The following TULP4 variants were observed in gnomAD, a reference collection of about 807,000 sequenced individuals.
The protein encoded by TULP4 is TUB like protein 4, also known as tubby-related protein 4.
In TULP4, 16 loss-of-function variants were observed where a neutral mutation model predicts 129.0. That is an observed-to-expected ratio of 0.12 (90% confidence interval 0.08 to 0.19). The LOEUF is 0.19. Ranked by LOEUF, TULP4 falls within the 10% of genes least tolerant of loss-of-function variation. The pLI, the probability that TULP4 is intolerant of heterozygous loss-of-function variation, is 1.00. For missense variants in TULP4, 1,842 were observed against 2,059.1 expected (o/e 0.89, Z 2.04); for synonymous variants, 998 against 854.0 (o/e 1.17, Z -2.94).
intron 1 of TULP4, among the ~76,000 whole-genome samples, chr6:158,380,659 T>A (rs557134577): frequency 6.6e-5 from 10 of 151,858 alleles, no homozygotes; most frequent in African/African-American, 2.4e-4. Flanking sequence ...TTTGGGAGGT[T>A]GAGGCGGGTG....
Position 158,462,531 on chromosome 6 carries a change from G to A in TULP4, c.1026+802G>A, listed in dbSNP as rs190513763. Among the ~76,000 whole-genome samples the A allele has an allele frequency of 8.8e-4, 133 of 150,936 alleles. 1 individual carries two copies. The highest frequency in any genetic ancestry group is 3.0e-3 in the African/African-American group (122 of 41,126). ...TGGGACTACAGGTGTCTGCCACCAC[G>A]CCCAGCTAATTTTTTGTATTTTTAC... On this transcript the variant is annotated intron_variant, in intron 6 of 13. Transcript: ENST00000367097.
rs781328845 is a variant in TULP4 at position 158,455,055 on chromosome 6, A to ATTTTTTT, written c.859+2811_859+2817dup. Among the ~76,000 whole-genome samples, 26 of 33,196 alleles carry ATTTTTTT rather than the reference A, an allele frequency of 7.8e-4. 6 individuals are homozygous for ATTTTTTT. The highest frequency in any genetic ancestry group is 5.9e-3 in the African/African-American group (26 of 4,418). The allele number at this position is 33,196 out of a possible 152,430, so 21.8% of individuals were successfully genotyped here. A position where few individuals can be genotyped will look rare whatever the true frequency, so the allele number is the denominator to read the frequency against. ...TTCTAAAAATACAGGCAAATTTAAC[A>ATTTTTTT]TTTTTTTTTTTTTTTTTTTTTTTTT... On this transcript the variant is annotated intron_variant, in intron 5 of 13. Transcript: ENST00000367097.
intron 8 of TULP4, among the ~76,000 whole-genome samples, chr6:158,483,868 T>C (rs1214628711): frequency 2.6e-5 from 4 of 152,076 alleles, no homozygotes; most frequent in Admixed American, 6.5e-5. Context: ...TTGGCAGATA[T>C]GTTCCTCAAA....
chr6:158,243,872 G>GTGTGTGTGTGTGTA (rs1777974646), intron 1 of TULP4, among the ~76,000 whole-genome samples: 1 of 151,710 alleles, frequency 6.6e-6, no homozygotes, highest in African/African-American at 2.4e-5. Flanking sequence ...GTGTGTGTGT[G>GTGTGTGTGTGTGTA]TGTGTGTGTG....
At chr6:158,498,586 G>A (rs1780379965) in intron 11 of TULP4, 83 bp from the exon 12 acceptor site, 14 of 1,552,396 alleles carry the variant, frequency 9.0e-6, no homozygotes, top group South Asian at 6.9e-5. Context: ...ACTGCAGTGC[G>A]CTCTTCTTCC....
chr6:158,429,390 C>T (rs955238897), intron 2 of TULP4, among the ~76,000 whole-genome samples: 5 of 152,224 alleles, frequency 3.3e-5, no homozygotes, highest in Admixed American at 6.5e-5. Context: ...CTGCCTGCCT[C>T]GGCCTCCCGA....
chr6:158,308,642 A>C (rs1779264475), upstream of TULP4, among the ~76,000 whole-genome samples: 1 of 135,424 alleles, frequency 7.4e-6, no homozygotes, highest in Non-Finnish European at 1.6e-5. Flanking sequence ...TGACCCCCCC[A>C]CCTCCCTCTC....
chr6:158,504,809 A>C (rs543146600), intron 13 of TULP4, among the ~76,000 whole-genome samples: 12 of 152,136 alleles, frequency 7.9e-5, no homozygotes, highest in Non-Finnish European at 1.8e-4. Context: ...ATATTTGTAA[A>C]GAATACGTTT....
chr6:158,350,089 C>T (rs1279447817), intron 1 of TULP4, among the ~76,000 whole-genome samples: 6 of 139,042 alleles, frequency 4.3e-5, no homozygotes, highest in East Asian at 2.2e-4. Flanking sequence ...ACTTCCCAGA[C>T]GGGGCAGCCG....
intron 1 of TULP4, among the ~76,000 whole-genome samples, chr6:158,240,856 A>C (rs1214638561): frequency 2.1e-5 from 3 of 145,412 alleles, no homozygotes; most frequent in Non-Finnish European, 4.5e-5. Context: ...CTGACCCCCC[A>C]CCTCCCTCCC....
At position 158,510,893 on chromosome 6, in the gene TULP4, GAGA is replaced by G. The variant is rs1780725173; in HGVS notation, c.*4202_*4204del. On this transcript the variant is annotated 3_prime_UTR_variant, in exon 14 of 14. Transcript: ENST00000367097. ...AAAGGAAAGTTTGGCCCAGCAACTG[GAGA>G]AGGAGTCCATGGTGTCGCTGTGTGC... 6.6e-6 allele frequency: 1 copy of G among 152,234 alleles called. No individual in the cohort carries two copies. Among genetic ancestry groups the G allele is most frequent in the African/African-American group, 2.4e-5 (1 of 41,456 alleles). 9.4% of individuals were successfully genotyped at this position (152,234 alleles called of 1,614,324 possible).
intron 1 of TULP4, among the ~76,000 whole-genome samples, chr6:158,267,237 A>C (rs1209092730): frequency 6.6e-6 from 1 of 152,174 alleles, no homozygotes; most frequent in Admixed American, 6.5e-5. Flanking sequence ...AATCCAGGAC[A>C]GTGCTGAAAC....
chr6:158,499,432 A>C (rs1451028966), intron 12 of TULP4, among the ~76,000 whole-genome samples: 1 of 152,250 alleles, frequency 6.6e-6, no homozygotes, highest in African/African-American at 2.4e-5. Context: ...ATCAATATCC[A>C]TAGCATCTTA....
At chr6:158,245,239 C>T (rs1202662981) in intron 1 of TULP4, among the ~76,000 whole-genome samples, 1 of 151,780 alleles carries the variant, frequency 6.6e-6, no homozygotes, top group Non-Finnish European at 1.5e-5. Flanking sequence ...AAGGGATCCT[C>T]CTGCCTTGCC....
At chr6:158,442,126 G>A (rs1778910909) in intron 3 of TULP4, among the ~76,000 whole-genome samples, 2 of 152,112 alleles carry the variant, frequency 1.3e-5, no homozygotes, top group African/African-American at 2.4e-5. Flanking sequence ...GGTCCAGCTT[G>A]GCTTGTCTTT....
chr6:158,280,948 AAAG>A (rs1230168515), upstream of TULP4, among the ~76,000 whole-genome samples: 2 of 152,226 alleles, frequency 1.3e-5, no homozygotes, highest in Non-Finnish European at 2.9e-5. Flanking sequence ...TTTTATTTAA[AAAG>A]AAATGAATAG....
rs544554119 is a variant in TULP4 at position 158,339,361 on chromosome 6, G to A, written c.252+25093G>A. On this transcript the variant is annotated intron_variant, in intron 1 of 13. Transcript: ENST00000367097. ...CAGGGCGGGATCACAAGGTCAGGGCGAAACTAGAACCACTAAAGAACTTCT... is the reference window on the plus strand; with the variant it reads ...CAGGGCGGGATCACAAGGTCAGGGCAAAACTAGAACCACTAAAGAACTTCT... Among the ~76,000 whole-genome samples, 3 of 152,306 alleles carry A rather than the reference G, an allele frequency of 2.0e-5. No individual in the cohort carries two copies. In the South Asian group the frequency reaches 6.2e-4, roughly 32 times the overall value.
At chr6:158,288,013 C>T (rs1459850144) in intron 1 of TULP4, among the ~76,000 whole-genome samples, 1 of 152,218 alleles carries the variant, frequency 6.6e-6, no homozygotes, top group African/African-American at 2.4e-5. Flanking sequence ...ATGTGGTCTA[C>T]GGTGAAGAGC....
At chr6:158,302,589 G>A (rs956369885) in intron 1 of TULP4, among the ~76,000 whole-genome samples, 4 of 152,096 alleles carry the variant, frequency 2.6e-5, no homozygotes, top group South Asian at 2.1e-4. Context: ...TTGAGAGAGC[G>A]GCCGCTGCTC....
Sources: gnomAD v4.1 joint callset for allele counts (sites outside exome capture counted in the v4.1 genomes callset) on GRCh38, gnomAD v4.1.1 for gene constraint, MANE v1.5 for transcripts, NCBI Gene and HGNC (gene_info 2026-07-23, HGNC 2026-07-21) for gene names.